The following MAP3K19 variants were observed in gnomAD, a reference collection of about 807,000 sequenced individuals.
The protein encoded by MAP3K19 is SPS1/STE20-related protein kinase YSK4.
A neutral mutation model predicts 114.4 loss-of-function variants in MAP3K19; 91 were observed. The ratio of observed to expected loss-of-function variants is 0.80; its 90% CI spans 0.67 to 0.95. The LOEUF (loss-of-function observed/expected upper bound fraction) is 0.95, where lower values mean the gene tolerates loss of function less well. Among genes scored for constraint, MAP3K19 ranks in the 40% least tolerant of loss-of-function variants. The pLI is 0.00. For missense variants in MAP3K19, 1,471 were observed against 1,573.2 expected (o/e 0.94, Z 1.10); for synonymous variants, 518 against 530.5 (o/e 0.98, Z 0.32).
At chr2:134,990,030 C>T (rs933236203) in intron 9 of MAP3K19, among the ~76,000 whole-genome samples, 4 of 151,344 alleles carry the variant, frequency 2.6e-5, no homozygotes, top group East Asian at 1.9e-4. Context: ...TGCAGTGAGC[C>T]GAGATTGTGC....
intron 12 of MAP3K19, among the ~76,000 whole-genome samples, chr2:134,968,251 G>A (rs1232933472): frequency 2.0e-5 from 3 of 152,136 alleles, no homozygotes; most frequent in Non-Finnish European, 4.4e-5. Flanking sequence ...AGTCTCCCAT[G>A]TATACTTCTT....
At chr2:135,008,956 A>AT (rs1687024225) in intron 5 of MAP3K19, among the ~76,000 whole-genome samples, 1 of 150,746 alleles carries the variant, frequency 6.6e-6, no homozygotes, top group Non-Finnish European at 1.5e-5. Flanking sequence ...TTTTCATTTT[A>AT]TTTTTTATTT....
At chr2:135,045,863 C>T (rs2104804752) in intron 1 of MAP3K19, among the ~76,000 whole-genome samples, 1 of 152,262 alleles carries the variant, frequency 6.6e-6, no homozygotes, top group Admixed American at 6.5e-5. Context: ...ATGGAATGAG[C>T]ACATAGCATT....
At position 134,986,849 on chromosome 2, in the gene MAP3K19, G is replaced by A. The variant is rs143563019; in HGVS notation, c.2023C>T (p.Arg675Ter). Reference protein sequence around the residue: ...MFGTPVYCHVRETERDENTYY... With the variant: ...MFGTPVYCHV The stretch of plus-strand genomic sequence containing the variant: ...GTGTTTTCATCCCTTTCAGTCTCTC[G>A]CACATGACAATAAACAGGGGTCCCA... Residue 675 changes from arginine to a stop codon, truncating the protein, a stop_gained, in exon 10 of 13, where the codon CGA (arginine) becomes TGA (stop). Transcript: ENST00000392915. LOFTEE classifies it high-confidence loss of function. The A allele has an allele frequency of 1.4e-5, 23 of 1,614,022 alleles. No homozygotes were observed. In the Admixed American group the frequency reaches 1.5e-4, roughly 11 times the overall value.
rs142605716 is a variant in MAP3K19, at chr2:135,030,596, C to T, written c.-283-96G>A. 2.9e-3 allele frequency: 440 copies of T among 152,510 alleles called. 2 individuals are homozygous for T. Among genetic ancestry groups the T allele is most frequent in the Admixed American group, 3.7e-3 (56 of 15,294 alleles). The allele number at this position is 152,510 out of a possible 1,614,324, so 9.4% of individuals were successfully genotyped here. On this transcript the variant is annotated intron_variant, in intron 2 of 12. Coordinates refer to ENST00000392915, the MANE Select transcript of MAP3K19 (RefSeq NM_025052.5). ...TGACTTAGGCATGGCTCTGATTCATCGGGATGTGGGTAACTGCTATTTGCC... is the reference window on the plus strand; with the variant it reads ...TGACTTAGGCATGGCTCTGATTCATTGGGATGTGGGTAACTGCTATTTGCC...
At position 135,005,563 on chromosome 2, in the gene MAP3K19, T is replaced by C. The variant is rs746063591; in HGVS notation, c.139-32A>G. 9 of 1,545,156 alleles carry C rather than the reference T, an allele frequency of 5.8e-6. No homozygotes were observed. The East Asian group carries it at 2.0e-4, about 35-fold the overall frequency. On this transcript the variant is annotated intron_variant, in intron 5 of 12. Transcript: ENST00000392915. Reference sequence around the variant, plus strand: ...TATCATAAAATTCAAAACTCAGTTATTAGTTATTCGATGTACCAGTTTGTT... The same window carrying C: ...TATCATAAAATTCAAAACTCAGTTACTAGTTATTCGATGTACCAGTTTGTT...
intron 3 of MAP3K19, among the ~76,000 whole-genome samples, chr2:135,029,328 A>G (rs904306491): frequency 2.6e-5 from 4 of 152,110 alleles, no homozygotes; most frequent in African/African-American, 9.7e-5. Flanking sequence ...GTGAGCCGAG[A>G]TCGCGCCACT....
In MAP3K19 at chr2:134,999,083, G is replaced by T; in HGVS notation, c.315-86C>A. On this transcript the variant is annotated intron_variant, in intron 7 of 12. Transcript: ENST00000392915. The surrounding 1 kb of genome is among the most constrained non-coding windows in gnomAD (Gnocchi z 4.1). Reference sequence around the variant, plus strand: ...TCCTCAGTTCAGCCTGACATCACTAGAAAGTTTGAAGAACTACTTCCAAAT... The same window carrying T: ...TCCTCAGTTCAGCCTGACATCACTATAAAGTTTGAAGAACTACTTCCAAAT... 6.9e-7 allele frequency: 1 copy of T among 1,440,970 alleles called. No homozygotes were observed. Among genetic ancestry groups the T allele is most frequent in the Non-Finnish European group, 9.4e-7 (1 of 1,065,258 alleles). 89.3% of individuals were successfully genotyped at this position (1,440,970 alleles called of 1,614,324 possible). A position where few individuals can be genotyped will look rare whatever the true frequency, so the allele number is the denominator to read the frequency against.
At position 134,986,221 on chromosome 2, in the gene MAP3K19, C is replaced by T. The variant is rs1483944845; in HGVS notation, c.2651G>A (p.Ser884Asn). ...NTASLSKVNA[S>N]RILTNDLEFD... is the part of the protein sequence containing the mutation. Reference sequence around the variant, plus strand: ...CTCTAGATCATTAGTTAAAATTCGGCTGGCATTTACTTTACTAAGAGATGC... The same window carrying T: ...CTCTAGATCATTAGTTAAAATTCGGTTGGCATTTACTTTACTAAGAGATGC... The change falls in exon 10 of 13, where the codon AGC (serine) becomes AAC (asparagine). Residue 884 changes from serine to asparagine, a missense_variant. By Grantham distance (46) the Ser-to-Asn change is conservative (BLOSUM62 1). Transcript: ENST00000392915. 3.1e-6 allele frequency: 5 copies of T among 1,613,866 alleles called. No homozygotes were observed. The highest frequency in any genetic ancestry group is 4.2e-6 in the Non-Finnish European group (5 of 1,179,940).
At chr2:134,980,406 C>T (rs1047007194) in intron 12 of MAP3K19, among the ~76,000 whole-genome samples, 10 of 145,722 alleles carry the variant, frequency 6.9e-5, no homozygotes, top group African/African-American at 2.1e-4. Context: ...AATACTCCCC[C>T]ACTTGACGCT....
intron 1 of MAP3K19, among the ~76,000 whole-genome samples, chr2:135,046,737 T>A (rs1688753529): frequency 6.6e-6 from 1 of 152,250 alleles, no homozygotes; most frequent in Admixed American, 6.5e-5. Context: ...GTACATTTGA[T>A]TTAGAACCTT....
Position 134,987,855 on chromosome 2 carries a change from G to C in MAP3K19, c.1017C>G (p.Gly339=). The change falls in exon 10 of 13, where the codon GGC becomes GGG. Residue 339 remains glycine (G), a synonymous_variant. Transcript: ENST00000392915. The part of the protein sequence containing the change: ...SLVSFENLKE[G]NIPAVREEDI... ...CCTCTTCCCTAACTGCAGGAATATT[G>C]CCTTCCTTCAAATTCTCAAAAGACA... 3 of 1,611,584 alleles carry C rather than the reference G, an allele frequency of 1.9e-6. No homozygotes were observed. The highest frequency in any genetic ancestry group is 2.5e-6 in the Non-Finnish European group (3 of 1,180,034).
chr2:134,981,409 T>G lies in MAP3K19; in HGVS notation c.3332A>C (p.Glu1111Ala), dbSNP rs774628333. Reference sequence around the variant, plus strand: ...TTTCAGTGCTTTGAGCAAATCTACTTCTTCCTGTAGTTTCCGGTATTCCTT... The same window carrying G: ...TTTCAGTGCTTTGAGCAAATCTACTGCTTCCTGTAGTTTCCGGTATTCCTT... Reference protein sequence around the residue: ...AEKEYRKLQEEVDLLKALKHV... With the variant: ...AEKEYRKLQEAVDLLKALKHV... The change falls in exon 12 of 13, where the codon GAA (glutamate) becomes GCA (alanine). Residue 1111 changes from glutamate to alanine, a missense_variant. By Grantham distance (107) the Glu-to-Ala change is moderately radical. Transcript: ENST00000392915. 6 of 1,614,236 alleles carry G rather than the reference T, an allele frequency of 3.7e-6. No individual in the cohort carries two copies. Among genetic ancestry groups the G allele is most frequent in the Middle Eastern group, 1.6e-4 (1 of 6,062 alleles).
rs748396401 is a variant in MAP3K19, at chr2:134,988,271, A to G, written c.619-18T>C. ...AGAAGGAACTAAAAGGAAGACAGAA[A>G]AAGCTGTGAATGCAGAAACATATAT... On this transcript the variant is annotated intron_variant, in intron 9 of 12. Coordinates refer to ENST00000392915, the MANE Select transcript of MAP3K19 (RefSeq NM_025052.5). The G allele has an allele frequency of 4.8e-5, 73 of 1,526,810 alleles. No individual in the cohort carries two copies. The highest frequency in any genetic ancestry group is 5.9e-5 in the Non-Finnish European group (68 of 1,147,860). 94.6% of individuals were successfully genotyped at this position (1,526,810 alleles called of 1,614,324 possible).
intron 5 of MAP3K19, among the ~76,000 whole-genome samples, chr2:135,020,352 C>T (rs6740541): frequency 0.19 from 28,417 of 152,076 alleles, 3,089 homozygotes; most frequent in East Asian, 0.38. Context: ...CAGGGTCTTG[C>T]TCTGTCACCC....
intron 12 of MAP3K19, among the ~76,000 whole-genome samples, chr2:134,967,607 G>A (rs543676885): frequency 1.3e-5 from 2 of 152,246 alleles, no homozygotes; most frequent in Non-Finnish European, 2.9e-5. Flanking sequence ...GACACGTCCA[G>A]TCATAGTACC....
Position 135,005,447 on chromosome 2 carries a change from G to A in MAP3K19, c.223C>T (p.Pro75Ser). The A allele has an allele frequency of 6.2e-7, 1 of 1,612,946 alleles. No homozygotes were observed. The highest frequency in any genetic ancestry group is 8.5e-7 in the Non-Finnish European group (1 of 1,178,990). ...TAAAGCCCAGTACCTTCTGTCCTGG[G>A]TTGCCAGTCCTGTCTACCACCACTG... Reference protein sequence around the residue: ...DPSGGRQDWQPRTEGVEITVT... With the variant: ...DPSGGRQDWQSRTEGVEITVT... Residue 75 changes from proline (P) to serine (S), a missense_variant, in exon 6 of 13, where the codon CCC becomes TCC. Physicochemically the swap from Pro to Ser is moderately conservative, Grantham distance 74. Coordinates refer to ENST00000392915, the MANE Select transcript of MAP3K19 (RefSeq NM_025052.5).
At chr2:135,027,794 A>G (rs1184547155) in intron 3 of MAP3K19, among the ~76,000 whole-genome samples, 1 of 152,224 alleles carries the variant, frequency 6.6e-6, no homozygotes, top group Non-Finnish European at 1.5e-5. Flanking sequence ...TATAACTTCA[A>G]TATGTTCTTT....
chr2:134,968,027 C>A (rs996452728), intron 12 of MAP3K19, among the ~76,000 whole-genome samples: 55 of 152,156 alleles, frequency 3.6e-4, no homozygotes, highest in African/African-American at 1.3e-3. Flanking sequence ...TGTTTGTGTC[C>A]CTGGGTACTT....
Sources: allele counts gnomAD v4.1 joint callset (sites outside exome capture counted in the v4.1 genomes callset), GRCh38; gene constraint gnomAD v4.1.1; non-coding constraint Gnocchi (gnomAD v3.1); transcripts MANE v1.5; gene names NCBI Gene and HGNC (gene_info 2026-07-23, HGNC 2026-07-21).